The following GLI3 variants were observed in gnomAD, a reference collection of about 807,000 sequenced individuals.
GLI3 encodes GLI family zinc finger 3.
In GLI3, 20 loss-of-function variants were observed where a neutral mutation model predicts 100.8. The ratio of observed to expected loss-of-function variants is 0.20; its 90% CI spans 0.14 to 0.29. GLI3 has a LOEUF of 0.29. Ranked by LOEUF, GLI3 falls within the 10% of genes least tolerant of loss-of-function variation. GLI3 has a pLI of 1.00. For missense variants in GLI3, 2,040 were observed against 2,128.5 expected, an observed-to-expected ratio of 0.96 and a Z score of 0.82; for synonymous variants, 938 against 860.5, an observed-to-expected ratio of 1.09 and a Z score of -1.58.
chr7:42,227,614 C>T (rs1422083391), intron 1 of GLI3: 2 of 152,138 alleles, frequency 1.3e-5, no homozygotes, highest in African/African-American at 2.4e-5. Context: ...CAACCTCTTA[C>T]AACACAAGGC....
chr7:41,977,274 C>T (rs1159925367), intron 12 of GLI3, among the ~76,000 whole-genome samples: 1 of 152,188 alleles, frequency 6.6e-6, no homozygotes, highest in African/African-American at 2.4e-5. Context: ...AAGTCAAATG[C>T]TCCCACTGTT....
chr7:42,017,948 G>A (rs554992704), intron 10 of GLI3, among the ~76,000 whole-genome samples: 1 of 152,290 alleles, frequency 6.6e-6, no homozygotes, highest in African/African-American at 2.4e-5. Context: ...TATTTTCATG[G>A]CTGTTTCACA....
intron 3 of GLI3, among the ~76,000 whole-genome samples, chr7:42,108,183 G>C (rs1785620915): frequency 6.6e-6 from 1 of 152,224 alleles, no homozygotes; most frequent in African/African-American, 2.4e-5. Flanking sequence ...TGAATGCTTG[G>C]TGAGTCCGCA....
chr7:42,178,586 CT>C (rs1787528194), intron 2 of GLI3, among the ~76,000 whole-genome samples: 1 of 152,204 alleles, frequency 6.6e-6, no homozygotes, highest in Non-Finnish European at 1.5e-5. Context: ...AATCAGGCCC[CT>C]TCACTCATTC....
chr7:42,211,171 T>C lies in GLI3; in HGVS notation c.124+11959A>G, dbSNP rs1462170215. 3.3e-5 allele frequency among the ~76,000 whole-genome samples: 5 copies of C among 152,310 alleles called. No homozygotes were observed. In the East Asian group the frequency reaches 9.6e-4, roughly 29 times the overall value. On this transcript the variant is annotated intron_variant, in intron 2 of 14. Coordinates refer to ENST00000395925, the MANE Select transcript of GLI3 (RefSeq NM_000168.6). ...GTGAAAAAGTTTCCCATTAAGACGG[T>C]AGCTATTTTTTTCAAGCATGATTCT...
At chr7:42,011,090 T>C (rs757308060) in intron 10 of GLI3, among the ~76,000 whole-genome samples, 6 of 152,242 alleles carry the variant, frequency 3.9e-5, no homozygotes, top group Non-Finnish European at 8.8e-5. Flanking sequence ...GCTTTGACTA[T>C]TCAGTCCCAC....
chr7:42,106,755 T>C lies in GLI3; in HGVS notation c.368-29898A>G, dbSNP rs556902994. The stretch of plus-strand genomic sequence containing the variant: ...CCTACTTCGTGGTGTGAAAACAGCC[T>C]TTGTGTTGTGAAATGGTAATGACAG... On this transcript the variant is annotated intron_variant, in intron 3 of 14. Transcript: ENST00000395925. Among the ~76,000 whole-genome samples, 18 of 152,288 alleles carry C rather than the reference T, an allele frequency of 1.2e-4. No individual in the cohort carries two copies. In the East Asian group the frequency reaches 3.3e-3, roughly 28 times the overall value.
intron 2 of GLI3, among the ~76,000 whole-genome samples, chr7:42,160,786 G>A (rs755393173): frequency 1.5e-4 from 23 of 152,258 alleles, no homozygotes; most frequent in Admixed American, 1.4e-3. Flanking sequence ...AGAGAGCTCC[G>A]TAACCTCTAA....
intron 4 of GLI3, among the ~76,000 whole-genome samples, chr7:42,057,888 C>T (rs980629313): frequency 2.6e-5 from 4 of 151,886 alleles, no homozygotes; most frequent in Admixed American, 1.3e-4. Flanking sequence ...CAGCAGGGGG[C>T]GAGGGGTCAG....
chr7:42,136,896 C>T (rs1453109109), intron 3 of GLI3, among the ~76,000 whole-genome samples: 3 of 152,222 alleles, frequency 2.0e-5, no homozygotes, highest in African/African-American at 7.2e-5. Flanking sequence ...AAACCACTGG[C>T]AACCTAGCCA....
At chr7:42,229,018 G>T (rs901134321) in intron 1 of GLI3, among the ~76,000 whole-genome samples, 2 of 152,158 alleles carry the variant, frequency 1.3e-5, no homozygotes, top group Non-Finnish European at 2.9e-5. Context: ...ATGGGAGCAG[G>T]ATTCCTTTAT....
chr7:42,114,611 T>A (rs10250816), intron 3 of GLI3, among the ~76,000 whole-genome samples: 1 of 152,074 alleles, frequency 6.6e-6, no homozygotes, highest in Admixed American at 6.5e-5. Context: ...GTCAACTGGC[T>A]CCTTGCCAGT....
chr7:42,143,182 T>C (rs1287062682), intron 3 of GLI3, among the ~76,000 whole-genome samples: 2 of 152,196 alleles, frequency 1.3e-5, no homozygotes, highest in Admixed American at 1.3e-4. Flanking sequence ...GCAAGAGACC[T>C]AGCAAAGCCC....
chr7:42,148,229 A>T lies in GLI3; in HGVS notation c.364T>A (p.Tyr122Asn). 6.2e-7 allele frequency: 1 copy of T among 1,609,622 alleles called. No individual in the cohort carries two copies. The highest frequency in any genetic ancestry group is 8.5e-7 in the Non-Finnish European group (1 of 1,177,556). ...GCCGACTGGCATGGGCACTTACGGTAGTGGGGCTCCATGTAACCATTCCTG... is the reference window on the plus strand; with the variant it reads ...GCCGACTGGCATGGGCACTTACGGTTGTGGGGCTCCATGTAACCATTCCTG... ...DPRNGYMEPH[Y>N]HPPHLFPAFH... The change falls in exon 3 of 15, where the codon TAC (tyrosine) becomes AAC (asparagine). Residue 122 changes from tyrosine (Y) to asparagine (N), a missense_variant. Around this residue, in one of 5 missense-constraint regions of GLI3, gnomAD observed 603 missense variants for 690.9 expected, o/e 0.87. Coordinates refer to ENST00000395925, the MANE Select transcript of GLI3 (RefSeq NM_000168.6).
chr7:42,047,787 T>A (rs960086805), intron 5 of GLI3, among the ~76,000 whole-genome samples: 1 of 152,098 alleles, frequency 6.6e-6, no homozygotes, highest in Non-Finnish European at 1.5e-5. Flanking sequence ...AGTACATACT[T>A]CTTCGGATTT....
chr7:42,010,910 C>T (rs1221118676), intron 10 of GLI3, among the ~76,000 whole-genome samples: 1 of 152,136 alleles, frequency 6.6e-6, no homozygotes, highest in Non-Finnish European at 1.5e-5. Context: ...GGAGGGACCA[C>T]AGCAATAATG....
upstream of GLI3, among the ~76,000 whole-genome samples, chr7:42,241,462 TA>T (rs1788924114): frequency 1.3e-5 from 2 of 152,176 alleles, no homozygotes; most frequent in African/African-American, 2.4e-5. Flanking sequence ...GGAACAAAGG[TA>T]GATCCCTGGC....
chr7:42,079,903 C>T (rs1365906394), intron 3 of GLI3, among the ~76,000 whole-genome samples: 3 of 152,150 alleles, frequency 2.0e-5, no homozygotes, highest in Non-Finnish European at 4.4e-5. Flanking sequence ...CCTCATATAT[C>T]CCCGAAGTAA....
At chr7:41,998,054 A>G (rs1267254846) in intron 10 of GLI3, among the ~76,000 whole-genome samples, 3 of 152,210 alleles carry the variant, frequency 2.0e-5, no homozygotes, top group African/African-American at 7.2e-5. Flanking sequence ...GCAAAGGGCA[A>G]GAATTAGGAA....
Sources: gnomAD v4.1 joint callset for allele counts (sites outside exome capture counted in the v4.1 genomes callset) on GRCh38, gnomAD v4.1.1 for gene constraint, gnomAD v4.1.1 regional missense constraint, MANE v1.5 for transcripts, NCBI Gene and HGNC (gene_info 2026-07-23, HGNC 2026-07-21) for gene names.